Variants in FAF2 observed in about 807,000 individuals in gnomAD.
FAF2 encodes FAS-associated factor 2.
Under a neutral mutation model 62.3 loss-of-function variants are expected in FAF2, and 9 were observed. The observed-to-expected ratio is 0.14, with a 90% CI of 0.09 to 0.25. FAF2 has a LOEUF of 0.25. Ranked by LOEUF, FAF2 falls within the 10% of genes least tolerant of loss-of-function variation. The pLI, the probability that FAF2 is intolerant of heterozygous loss-of-function variation, is 1.00. For synonymous variants in FAF2, 202 were observed against 198.0 expected, an observed-to-expected ratio of 1.02 and a Z score of -0.17; for missense variants, 368 against 556.2, an observed-to-expected ratio of 0.66 and a Z score of 3.40.
At chr5:176,502,036 C>T (rs1755600832) in intron 10 of FAF2, among the ~76,000 whole-genome samples, 1 of 151,830 alleles carries the variant, frequency 6.6e-6, no homozygotes, top group Non-Finnish European at 1.5e-5. Flanking sequence ...GGATTATAGG[C>T]GTGAGCCACT....
intron 1 of FAF2, among the ~76,000 whole-genome samples, chr5:176,465,366 C>CTTTT (rs70991554): frequency 6.1e-5 from 7 of 115,688 alleles, no homozygotes; most frequent in Admixed American, 9.6e-5. Context: ...CTTTTTCTTT[C>CTTTT]TTTTTTTTTT....
intron 1 of FAF2, chr5:176,453,280 T>C (rs1758219234): frequency 6.6e-6 from 1 of 152,224 alleles, no homozygotes; most frequent in African/African-American, 2.4e-5. Context: ...TTTCCAAATA[T>C]AGCAGACTCT....
intron 1 of FAF2, among the ~76,000 whole-genome samples, chr5:176,452,772 A>G (rs1321717444): frequency 6.6e-6 from 1 of 152,206 alleles, no homozygotes; most frequent in Non-Finnish European, 1.5e-5. Flanking sequence ...AGCTGTTCAC[A>G]ATGTTTAAAC....
intron 2 of FAF2, among the ~76,000 whole-genome samples, chr5:176,480,184 G>A (rs1404552793): frequency 6.6e-6 from 1 of 152,020 alleles, no homozygotes; most frequent in Non-Finnish European, 1.5e-5. Flanking sequence ...AGTTTATACT[G>A]AGTGGATGTT....
intron 4 of FAF2, among the ~76,000 whole-genome samples, chr5:176,490,465 G>A (rs1321927019): frequency 6.6e-6 from 1 of 152,178 alleles, no homozygotes; most frequent in African/African-American, 2.4e-5. Context: ...GGGATATGTA[G>A]TCTGGGCCTT....
chr5:176,487,363 TG>T (rs1418732202), intron 3 of FAF2, among the ~76,000 whole-genome samples: 2 of 152,078 alleles, frequency 1.3e-5, no homozygotes, highest in Non-Finnish European at 1.5e-5. Flanking sequence ...TTGTATTTTT[TG>T]TAGAGATGGG....
At chr5:176,449,077 C>T (rs532876893) in intron 1 of FAF2, among the ~76,000 whole-genome samples, 3 of 152,308 alleles carry the variant, frequency 2.0e-5, no homozygotes, top group South Asian at 4.1e-4. Context: ...TTACTTTTGG[C>T]TTATTCCTGG....
At chr5:176,502,488 G>A (rs1382915538) in intron 10 of FAF2, among the ~76,000 whole-genome samples, 2 of 152,112 alleles carry the variant, frequency 1.3e-5, no homozygotes, top group East Asian at 1.9e-4. Context: ...GCTGAGGCAG[G>A]AGAAACGCTT....
At chr5:176,470,542 G>A (rs557142634) in intron 1 of FAF2, among the ~76,000 whole-genome samples, 7 of 152,348 alleles carry the variant, frequency 4.6e-5, no homozygotes, top group Admixed American at 3.3e-4. Flanking sequence ...GCGCCATCGC[G>A]CTCCAGCCTG....
rs763277475 is a variant in FAF2 at position 176,488,901 on chromosome 5, A to T, written c.268-50A>T. 4.2e-6 allele frequency: 6 copies of T among 1,442,984 alleles called. No individual in the cohort carries two copies. In the Admixed American group the frequency reaches 1.0e-4, roughly 25 times the overall value. 89.4% of individuals were successfully genotyped at this position (1,442,984 alleles called of 1,614,324 possible). ...AAAATCTGACCTAGCCATTTGATAA[A>T]ATATTAGGGATTGAGAGAATTGTCT... On this transcript the variant is annotated intron_variant, in intron 3 of 10. Coordinates refer to ENST00000261942, the MANE Select transcript of FAF2 (RefSeq NM_014613.3).
intron 8 of FAF2, 198 bp downstream of exon 8, chr5:176,496,861 C>T (rs548390795): frequency 2.4e-5 from 9 of 372,996 alleles, no homozygotes; most frequent in African/African-American, 1.7e-4. Flanking sequence ...TAGAGATGTT[C>T]AAAATAAAGA....
intron 1 of FAF2, chr5:176,453,838 G>A (rs984810170): frequency 2.7e-5 from 4 of 148,420 alleles, no homozygotes; most frequent in South Asian, 2.2e-4. Flanking sequence ...GGCAGATCAC[G>A]AGGTCAGGAG....
chr5:176,457,152 G>T (rs551840267), intron 1 of FAF2, among the ~76,000 whole-genome samples: 34 of 152,220 alleles, frequency 2.2e-4, no homozygotes, highest in Non-Finnish European at 4.4e-4. Flanking sequence ...TCTTTTAGAA[G>T]TAGGTCTTTG....
intron 8 of FAF2, among the ~76,000 whole-genome samples, chr5:176,497,867 A>G (rs937983576): frequency 1.3e-5 from 2 of 152,214 alleles, no homozygotes; most frequent in African/African-American, 2.4e-5. Context: ...ATGCAGAATC[A>G]GGCCGAGCAT....
At chr5:176,483,610 C>T (rs1282421072) in intron 2 of FAF2, among the ~76,000 whole-genome samples, 1 of 152,208 alleles carries the variant, frequency 6.6e-6, no homozygotes. Context: ...TCAGAGGGCA[C>T]ACTGCCCTCC....
intron 1 of FAF2, among the ~76,000 whole-genome samples, chr5:176,471,331 A>G (rs568989692): frequency 4.8e-4 from 72 of 150,862 alleles, no homozygotes; most frequent in African/African-American, 1.6e-3. Flanking sequence ...CTAAATTTAG[A>G]ATGAAGGGTC....
chr5:176,479,202 C>T lies in FAF2; in HGVS notation c.78C>T (p.Ile26=), dbSNP rs754426714. ...KLLQFQDLTG[I]ESMDQCRHTL... ...CTTCTTTTCAGGATCTCACTGGCAT[C>T]GAATCTATGGATCAGTGTCGCCATA... Residue 26 remains isoleucine, a synonymous_variant, in exon 2 of 11, where the codon ATC becomes ATT. Coordinates refer to ENST00000261942, the MANE Select transcript of FAF2 (RefSeq NM_014613.3). 8 of 1,613,792 alleles carry T rather than the reference C, an allele frequency of 5.0e-6. No individual in the cohort carries two copies. The highest frequency in any genetic ancestry group is 1.3e-5 in the African/African-American group (1 of 74,972).
At chr5:176,493,454 C>T (rs920999153) in intron 5 of FAF2, among the ~76,000 whole-genome samples, 3 of 152,240 alleles carry the variant, frequency 2.0e-5, no homozygotes, top group African/African-American at 7.2e-5. Flanking sequence ...GGAGCACGCA[C>T]AGGAGTCTTC....
intron 10 of FAF2, 70 bp from the exon 11 acceptor site, chr5:176,506,694 TGTGC>T: frequency 7.9e-6 from 1 of 126,974 alleles, no homozygotes; most frequent in South Asian, 8.3e-5. Context: ...CAGAGTTGTG[TGTGC>T]GTGTGTGCGT....
Sources: gnomAD v4.1 joint callset for allele counts (sites outside exome capture counted in the v4.1 genomes callset) on GRCh38, gnomAD v4.1.1 for gene constraint, MANE v1.5 for transcripts, NCBI Gene and HGNC (gene_info 2026-07-23, HGNC 2026-07-21) for gene names.